The following WDFY2 variants were observed in gnomAD, a reference collection of about 807,000 sequenced individuals.
WDFY2 encodes WD repeat and FYVE domain containing 2, also known as WD repeat and FYVE domain-containing protein 2.
In WDFY2, 36 loss-of-function variants were observed where a neutral mutation model predicts 56.4. The ratio of observed to expected loss-of-function variants is 0.64; its 90% confidence interval spans 0.49 to 0.84. The LOEUF (loss-of-function observed/expected upper bound fraction) is 0.84, where lower values mean the gene tolerates loss of function less well. Ranked by LOEUF, WDFY2 falls within the 40% of genes least tolerant of loss-of-function variation. WDFY2 has a pLI of 0.00. For missense variants in WDFY2, 444 were observed against 512.2 expected, an observed-to-expected ratio of 0.87 and a Z score of 1.29; for synonymous variants, 176 against 183.7, an observed-to-expected ratio of 0.96 and a Z score of 0.34.
intron 2 of WDFY2, among the ~76,000 whole-genome samples, chr13:51,669,819 C>T (rs1955776080): frequency 6.6e-6 from 1 of 152,188 alleles, no homozygotes; most frequent in African/African-American, 2.4e-5. Flanking sequence ...TCACCTTACA[C>T]ATTTCATTCT....
At chr13:51,678,131 A>G (rs1354051474) in intron 3 of WDFY2, among the ~76,000 whole-genome samples, 2 of 152,172 alleles carry the variant, frequency 1.3e-5, no homozygotes, top group African/African-American at 4.8e-5. Flanking sequence ...TTTTTGGCAG[A>G]TGATTCCTGA....
rs568279088 is a variant in WDFY2 at position 51,656,163 on chromosome 13, C to A, written c.138-4433C>A. ...TAAAATTAGGTTATTGATTTGTGATCTTCTTTTTTAATATAGGCATTTATA... is the reference window on the plus strand; with the variant it reads ...TAAAATTAGGTTATTGATTTGTGATATTCTTTTTTAATATAGGCATTTATA... On this transcript the variant is annotated intron_variant, in intron 1 of 11. Transcript: ENST00000298125. 6.5e-5 allele frequency among the ~76,000 whole-genome samples: 9 copies of A among 137,740 alleles called. No homozygotes were observed. In the East Asian group the frequency reaches 1.9e-3, roughly 29 times the overall value. 90.4% of individuals were successfully genotyped at this position (137,740 alleles called of 152,430 possible).
chr13:51,634,512 T>C (rs1246618436), intron 1 of WDFY2, among the ~76,000 whole-genome samples: 1 of 152,134 alleles, frequency 6.6e-6, no homozygotes, highest in Non-Finnish European at 1.5e-5. Flanking sequence ...TTGTTAGCAC[T>C]AAGATTGGAA....
At chr13:51,613,287 C>A (rs753987647) in intron 1 of WDFY2, among the ~76,000 whole-genome samples, 25 of 152,148 alleles carry the variant, frequency 1.6e-4, no homozygotes, top group Non-Finnish European at 2.5e-4. Context: ...CCCCCATCTC[C>A]CCTTCTTTCC....
At chr13:51,612,574 G>A (rs1954524102) in intron 1 of WDFY2, among the ~76,000 whole-genome samples, 1 of 152,170 alleles carries the variant, frequency 6.6e-6, no homozygotes, top group African/African-American at 2.4e-5. Context: ...ATGCCAAAAA[G>A]TGTATTAAAC....
At position 51,739,085 on chromosome 13, in the gene WDFY2, G is replaced by A. The variant is rs577695618; in HGVS notation, c.635G>A (p.Arg212Gln). 7.5e-6 allele frequency: 12 copies of A among 1,600,656 alleles called. No homozygotes were observed. Among genetic ancestry groups the A allele is most frequent in the African/African-American group, 4.0e-5 (3 of 74,608 alleles). ...GCTCTCTGTTGGGACCCAGTCCAGC[G>A]GGTGTTGTTCTCAGGCAGTTCAGAT... Reference protein sequence around the residue: ...VTALCWDPVQRVLFSGSSDHS... With the variant: ...VTALCWDPVQQVLFSGSSDHS... The change falls in exon 7 of 12, where the codon CGG becomes CAG. Residue 212 changes from arginine (R) to glutamine (Q), a missense_variant. Coordinates refer to ENST00000298125, the MANE Select transcript of WDFY2 (RefSeq NM_052950.4).
At chr13:51,693,537 G>T (rs2138553477) in intron 3 of WDFY2, among the ~76,000 whole-genome samples, 1 of 152,202 alleles carries the variant, frequency 6.6e-6, no homozygotes, top group Non-Finnish European at 1.5e-5. Context: ...ATTGCACTGT[G>T]GTCTGAGAGA....
Position 51,686,856 on chromosome 13 carries a change from C to CT in WDFY2, c.279+11622dup, listed in dbSNP as rs1266936673. On this transcript the variant is annotated intron_variant, in intron 3 of 11. Coordinates refer to ENST00000298125, the MANE Select transcript of WDFY2 (RefSeq NM_052950.4). Reference sequence around the variant, plus strand: ...AGTAATAGCTTAGCAATTAGCCTCTCTTTTTTTTTCTTTTATTATTTGAAT... The same window carrying CT: ...AGTAATAGCTTAGCAATTAGCCTCTCTTTTTTTTTTCTTTTATTATTTGAAT... Among the ~76,000 whole-genome samples, 8 of 150,828 alleles carry CT rather than the reference C, an allele frequency of 5.3e-5. No individual in the cohort carries two copies. In the South Asian group the frequency reaches 1.0e-3, roughly 20 times the overall value.
intron 1 of WDFY2, among the ~76,000 whole-genome samples, chr13:51,655,667 G>A (rs907339406): frequency 2.0e-5 from 3 of 151,976 alleles, no homozygotes; most frequent in Admixed American, 6.6e-5. Context: ...TCTTTGTCCA[G>A]CTTTCATAGA....
chr13:51,748,527 C>CA, intron 7 of WDFY2, among the ~76,000 whole-genome samples: 1 of 152,246 alleles, frequency 6.6e-6, no homozygotes, highest in East Asian at 1.9e-4. Context: ...GTTATATAAT[C>CA]AAAGCGGTAA....
chr13:51,640,902 A>G (rs1209102618), intron 1 of WDFY2, among the ~76,000 whole-genome samples: 1 of 151,618 alleles, frequency 6.6e-6, no homozygotes, highest in African/African-American at 2.4e-5. Context: ...GGGGATGATT[A>G]TATCTTTGCT....
chr13:51,757,664 T>C (rs1287193291), intron 10 of WDFY2, among the ~76,000 whole-genome samples: 1 of 150,892 alleles, frequency 6.6e-6, no homozygotes, highest in African/African-American at 2.4e-5. Context: ...AGGTAAAAAA[T>C]AATGATGTTT....
chr13:51,666,040 G>T (rs1955694853), intron 2 of WDFY2, among the ~76,000 whole-genome samples: 1 of 152,140 alleles, frequency 6.6e-6, no homozygotes, highest in Non-Finnish European at 1.5e-5. Context: ...ACACAAGTAT[G>T]GATACCTACC....
intron 3 of WDFY2, among the ~76,000 whole-genome samples, chr13:51,698,092 A>T (rs377512980): frequency 5.9e-5 from 9 of 152,330 alleles, no homozygotes; most frequent in African/African-American, 2.2e-4. Context: ...ACTTGTCAAG[A>T]TCATTTAACA....
intron 3 of WDFY2, among the ~76,000 whole-genome samples, chr13:51,686,687 T>C (rs1956067338): frequency 6.6e-6 from 1 of 152,150 alleles, no homozygotes; most frequent in Non-Finnish European, 1.5e-5. Flanking sequence ...TATAACATTT[T>C]AGTGTGGAGA....
chr13:51,691,772 A>G (rs1220056286), intron 3 of WDFY2, among the ~76,000 whole-genome samples: 8 of 152,024 alleles, frequency 5.3e-5, no homozygotes, highest in African/African-American at 1.5e-4. Context: ...CATTGAATCT[A>G]TAAATTACCT....
rs569189521 is a variant in WDFY2 at position 51,635,064 on chromosome 13, G to A, written c.138-25532G>A. On this transcript the variant is annotated intron_variant, in intron 1 of 11. Coordinates refer to ENST00000298125, the MANE Select transcript of WDFY2 (RefSeq NM_052950.4). ...AGCAATTCTCCTGCCTCAGCCTCCC[G>A]AGTAGCTGGGATTACAGGTGCCTGC... 9.2e-5 allele frequency among the ~76,000 whole-genome samples: 14 copies of A among 151,980 alleles called. No homozygotes were observed. The East Asian group carries it at 1.6e-3, about 17-fold the overall frequency.
In WDFY2 at chr13:51,758,251, A is replaced by G. The variant is rs755406495; in HGVS notation, c.1124A>G (p.Asp375Gly). Residue 375 changes from aspartate to glycine, a missense_variant, in exon 11 of 12, where the codon GAT becomes GGT. By Grantham distance (94) the Asp-to-Gly change is moderately conservative. Transcript: ENST00000298125. ...CATAACATTGTGCATGTGCATTTCG[A>G]TGCAACCAGAGGATGGTTACTGACT... ...SKHNIVHVHF[D>G]ATRGWLLTSG... 6.2e-7 allele frequency: 1 copy of G among 1,603,302 alleles called. No individual in the cohort carries two copies. The highest frequency in any genetic ancestry group is 8.5e-7 in the Non-Finnish European group (1 of 1,171,520).
chr13:51,755,223 A>C, intron 8 of WDFY2, 135 bp from the exon 9 acceptor site: 1 of 790,960 alleles, frequency 1.3e-6, no homozygotes. Flanking sequence ...ATATTTTTTG[A>C]ATGATTGACT....
Sources: allele counts gnomAD v4.1 joint callset (sites outside exome capture counted in the v4.1 genomes callset), GRCh38; gene constraint gnomAD v4.1.1; transcripts MANE v1.5; gene names NCBI Gene and HGNC (gene_info 2026-07-23, HGNC 2026-07-21).